Variants in RARB observed in about 807,000 individuals in gnomAD.
RARB encodes HBV-activated protein.
A neutral mutation model predicts 51.9 loss-of-function variants in RARB; 17 were observed. The observed-to-expected ratio is 0.33, with a 90% confidence interval of 0.22 to 0.49. The LOEUF (loss-of-function observed/expected upper bound fraction) is 0.49, where lower values mean the gene tolerates loss of function less well. Ranked by LOEUF, RARB falls within the 20% of genes least tolerant of loss-of-function variation. The pLI, the probability that RARB is intolerant of heterozygous loss-of-function variation, is 0.99. For missense variants in RARB, 369 were observed against 550.8 expected (o/e 0.67, Z 3.30); for synonymous variants, 215 against 195.4 (o/e 1.10, Z -0.84).
Position 25,194,343 on chromosome 3 carries a change from A to G in RARB, c.178+19768A>G, listed in dbSNP as rs76273857. Reference sequence around the variant, plus strand: ...AGGAGTATAGTTAATAATACTGTATACTGAAAATTTGCTAAAAGAATAGAC... The same window carrying G: ...AGGAGTATAGTTAATAATACTGTATGCTGAAAATTTGCTAAAAGAATAGAC... On this transcript the variant is annotated intron_variant, in intron 5 of 11. Transcript: ENST00000383772. 2.8e-4 allele frequency among the ~76,000 whole-genome samples: 43 copies of G among 151,868 alleles called. 1 individual carries two copies. In the East Asian group the frequency reaches 8.3e-3, roughly 29 times the overall value.
chr3:24,854,209 T>C (rs1439215933), intron 1 of RARB, among the ~76,000 whole-genome samples: 2 of 152,178 alleles, frequency 1.3e-5, no homozygotes, highest in Non-Finnish European at 2.9e-5. Flanking sequence ...ACATGCAAAC[T>C]CTCCTTGGAC....
chr3:25,385,043 C>T (rs778353664), intron 5 of RARB, among the ~76,000 whole-genome samples: 4 of 152,056 alleles, frequency 2.6e-5, no homozygotes, highest in African/African-American at 2.4e-5. Flanking sequence ...CCCCCATGGC[C>T]GTAGTAGATA....
chr3:25,054,442 G>C (rs1482464244), intron 2 of RARB, among the ~76,000 whole-genome samples: 1 of 152,162 alleles, frequency 6.6e-6, no homozygotes, highest in Non-Finnish European at 1.5e-5. Flanking sequence ...CTTCTACCTG[G>C]GGAGGTCCGC....
chr3:25,186,088 A>G (rs971465626), intron 5 of RARB, among the ~76,000 whole-genome samples: 1 of 151,934 alleles, frequency 6.6e-6, no homozygotes, highest in Admixed American at 6.6e-5. Context: ...GACAAAATAT[A>G]TAAGAGCATA....
intron 5 of RARB, among the ~76,000 whole-genome samples, chr3:25,295,626 T>A (rs910946173): frequency 6.6e-6 from 1 of 152,218 alleles, no homozygotes; most frequent in Non-Finnish European, 1.5e-5. Context: ...TTATTTTATT[T>A]GCCTAATATG....
chr3:25,295,218 T>C (rs1050426875), intron 5 of RARB, among the ~76,000 whole-genome samples: 3 of 152,176 alleles, frequency 2.0e-5, no homozygotes, highest in African/African-American at 7.2e-5. Flanking sequence ...GGTCAGAATA[T>C]TTGTGTGCCT....
chr3:25,142,938 C>G (rs924427581), intron 4 of RARB, among the ~76,000 whole-genome samples: 1 of 151,994 alleles, frequency 6.6e-6, no homozygotes, highest in Non-Finnish European at 1.5e-5. Flanking sequence ...GAGATAATAT[C>G]TACATAAAAT....
chr3:25,065,088 G>A (rs1698634750), intron 3 of RARB, among the ~76,000 whole-genome samples: 1 of 151,284 alleles, frequency 6.6e-6, no homozygotes, highest in Non-Finnish European at 1.5e-5. Context: ...GATTGGTTAA[G>A]TATGCTTCAT....
intron 5 of RARB, among the ~76,000 whole-genome samples, chr3:25,215,033 G>C (rs542560856): frequency 6.6e-6 from 1 of 152,262 alleles, no homozygotes; most frequent in South Asian, 2.1e-4. Context: ...AATCGATGAA[G>C]ACATAAAACA....
chr3:25,147,627 G>A (rs1700216043), intron 4 of RARB, among the ~76,000 whole-genome samples: 1 of 152,140 alleles, frequency 6.6e-6, no homozygotes, highest in Non-Finnish European at 1.5e-5. Context: ...GAATACGGAG[G>A]ATAAACATAA....
At chr3:25,174,973 C>T (rs1575196442) in intron 5 of RARB, among the ~76,000 whole-genome samples, 1 of 152,272 alleles carries the variant, frequency 6.6e-6, no homozygotes, top group East Asian at 1.9e-4. Context: ...GTTGTGAGAT[C>T]TTCTCTGAAT....
rs140687394 is a variant in RARB at position 25,328,257 on chromosome 3, C to T, written c.179-132936C>T. ...CCTCTAGGCCGGGTGCAGTGGCTTA[C>T]GCCTGTAATCCCAACACTTTGAAAG... On this transcript the variant is annotated intron_variant, in intron 5 of 11. Transcript: ENST00000383772. Among the ~76,000 whole-genome samples, 8 of 152,332 alleles carry T rather than the reference C, an allele frequency of 5.3e-5. No individual in the cohort carries two copies. The East Asian group carries it at 5.8e-4, about 11-fold the overall frequency.
At chr3:25,106,691 T>C (rs558924128) in intron 3 of RARB, among the ~76,000 whole-genome samples, 2 of 151,936 alleles carry the variant, frequency 1.3e-5, no homozygotes, top group East Asian at 2.0e-4. Flanking sequence ...TTTGAAATAT[T>C]CACATGCATA....
chr3:25,264,445 G>A (rs571693812), intron 5 of RARB, among the ~76,000 whole-genome samples: 9 of 152,204 alleles, frequency 5.9e-5, no homozygotes, highest in African/African-American at 1.7e-4. Context: ...AGTGAATTTG[G>A]TCTTTCTCTG....
chr3:25,205,451 A>G (rs1010264341), intron 5 of RARB, among the ~76,000 whole-genome samples: 9 of 152,212 alleles, frequency 5.9e-5, no homozygotes, highest in East Asian at 5.8e-4. Flanking sequence ...CTGTCCAACA[A>G]TCCCCAGTGA....
chr3:25,380,273 C>G (rs559365215), intron 5 of RARB, among the ~76,000 whole-genome samples: 25 of 152,282 alleles, frequency 1.6e-4, no homozygotes, highest in African/African-American at 5.8e-4. Context: ...CAGACTAGAG[C>G]TGACATCGTC....
At chr3:24,899,783 A>G (rs1703560093) in intron 2 of RARB, among the ~76,000 whole-genome samples, 1 of 152,250 alleles carries the variant, frequency 6.6e-6, no homozygotes. Context: ...AAGCTCCCTC[A>G]TAAAGATATA....
intron 4 of RARB, among the ~76,000 whole-genome samples, chr3:25,158,324 A>C (rs969991827): frequency 6.6e-6 from 1 of 152,208 alleles, no homozygotes; most frequent in Non-Finnish European, 1.5e-5. Flanking sequence ...ATCACTTAGA[A>C]ATATTATTTT....
At chr3:24,887,460 T>G (rs1053809168) in intron 2 of RARB, among the ~76,000 whole-genome samples, 3 of 152,232 alleles carry the variant, frequency 2.0e-5, no homozygotes, top group Non-Finnish European at 2.9e-5. Flanking sequence ...GTTACAGTAT[T>G]GAGTGTACCT....
Sources: gnomAD v4.1 joint callset for allele counts (sites outside exome capture counted in the v4.1 genomes callset) on GRCh38, gnomAD v4.1.1 for gene constraint, MANE v1.5 for transcripts, NCBI Gene and HGNC (gene_info 2026-07-23, HGNC 2026-07-21) for gene names.